Variants in C6orf52 observed in about 807,000 individuals in gnomAD.
The protein encoded by C6orf52 is chromosome 6 open reading frame 52, also known as putative uncharacterized protein C6orf52.
In C6orf52, 16 loss-of-function variants were observed where a neutral mutation model predicts 16.6. The observed-to-expected ratio is 0.96, with a 90% CI of 0.65 to 1.46. The LOEUF (loss-of-function observed/expected upper bound fraction) is 1.46, where lower values mean the gene tolerates loss of function less well. Ranked by LOEUF, C6orf52 falls within the 40% of genes most tolerant of loss-of-function variation. The pLI, the probability that C6orf52 is intolerant of heterozygous loss-of-function variation, is 0.00. For synonymous variants in C6orf52, 53 were observed against 61.4 expected (o/e 0.86, Z 0.64); for missense variants, 166 against 182.3 (o/e 0.91, Z 0.52).
chr6:10,688,199 G>GTTT (rs776752770), intron 1 of C6orf52, among the ~76,000 whole-genome samples: 20 of 145,470 alleles, frequency 1.4e-4, no homozygotes, highest in African/African-American at 5.6e-4. Flanking sequence ...CTCTGGTTCA[G>GTTT]TTTTTTTTTT....
chr6:10,685,531 A>C (rs1287196955), intron 3 of C6orf52, among the ~76,000 whole-genome samples: 3 of 152,228 alleles, frequency 2.0e-5, no homozygotes, highest in Non-Finnish European at 4.4e-5. Flanking sequence ...TTTTCATTTT[A>C]AGGTAAAGAT....
chr6:10,675,646 G>A (rs909672057), intron 4 of C6orf52, among the ~76,000 whole-genome samples: 1 of 152,132 alleles, frequency 6.6e-6, no homozygotes, highest in Non-Finnish European at 1.5e-5. Context: ...CCCACCAACA[G>A]TATGCAAGGG....
At chr6:10,674,234 T>G (rs893051915) in intron 4 of C6orf52, among the ~76,000 whole-genome samples, 1 of 152,172 alleles carries the variant, frequency 6.6e-6, no homozygotes, top group Non-Finnish European at 1.5e-5. Flanking sequence ...CTAATCCTAA[T>G]CATCTCCCTA....
chr6:10,674,206 C>G (rs1422315626), intron 4 of C6orf52, among the ~76,000 whole-genome samples: 1 of 152,066 alleles, frequency 6.6e-6, no homozygotes, highest in Non-Finnish European at 1.5e-5. Context: ...CATGAGGGCT[C>G]TACCCTCATG....
At chr6:10,691,243 G>C (rs9467242) in intron 1 of C6orf52, among the ~76,000 whole-genome samples, 32,802 of 152,176 alleles carry the variant, frequency 0.22, 10,160 homozygotes, top group African/African-American at 0.69. Flanking sequence ...CCCTCAGCCA[G>C]CGAGTTTAAG....
chr6:10,682,991 C>T (rs1768537778), intron 4 of C6orf52, among the ~76,000 whole-genome samples, 196 bp downstream of exon 4: 1 of 152,150 alleles, frequency 6.6e-6, no homozygotes, highest in Admixed American at 6.5e-5. Context: ...TCAGAAAGGC[C>T]CAAAGAGGTG....
intron 1 of C6orf52, among the ~76,000 whole-genome samples, chr6:10,692,221 A>G (rs2127473979): frequency 6.6e-6 from 1 of 152,286 alleles, no homozygotes; most frequent in East Asian, 1.9e-4. Context: ...TATGTTGTGG[A>G]GTAAAATGCA....
intron 1 of C6orf52, among the ~76,000 whole-genome samples, chr6:10,691,353 A>C (rs1581567077): frequency 6.6e-6 from 1 of 151,826 alleles, no homozygotes; most frequent in African/African-American, 2.4e-5. Context: ...AGGGCTTACA[A>C]CTCTAAGGAG....
intron 4 of C6orf52, among the ~76,000 whole-genome samples, chr6:10,673,146 G>A (rs1292972607): frequency 1.3e-5 from 2 of 152,076 alleles, no homozygotes; most frequent in African/African-American, 2.4e-5. Context: ...TTCTGTCCCC[G>A]GTTCCCTTCC....
chr6:10,684,885 A>G (rs1268746806), intron 3 of C6orf52: 2 of 1,288,886 alleles, frequency 1.6e-6, no homozygotes, highest in Non-Finnish European at 2.0e-6. Flanking sequence ...CCAACAGGGG[A>G]CACCCAGCAG....
chr6:10,693,734 CTTTT>C, intron 1 of C6orf52, among the ~76,000 whole-genome samples: 1 of 151,744 alleles, frequency 6.6e-6, no homozygotes, highest in African/African-American at 2.4e-5. Context: ...TTAAATAAAA[CTTTT>C]TTTTTCTTTG....
intron 1 of C6orf52, among the ~76,000 whole-genome samples, chr6:10,688,339 G>A (rs149206582): frequency 0.015 from 2,224 of 152,172 alleles, 49 homozygotes; most frequent in African/African-American, 0.051. Context: ...GCCAGCTCCC[G>A]CCACTTGAAG....
At chr6:10,678,183 TAAAAA>T (rs377733205) in intron 4 of C6orf52, among the ~76,000 whole-genome samples, 2 of 101,602 alleles carry the variant, frequency 2.0e-5, no homozygotes, top group Admixed American at 2.1e-4. Context: ...GAGACTGTCT[TAAAAA>T]AAAAAAAAAA....
intron 1 of C6orf52, among the ~76,000 whole-genome samples, chr6:10,692,443 G>A (rs1238822537): frequency 1.3e-5 from 2 of 152,096 alleles, no homozygotes; most frequent in African/African-American, 4.8e-5. Context: ...ACAAAGTAAA[G>A]AAAGAATGAC....
At chr6:10,683,311 T>G (rs1768568835) in intron 3 of C6orf52, 79 bp from the exon 4 acceptor site, 1 of 848,450 alleles carries the variant, frequency 1.2e-6, no homozygotes, top group Non-Finnish European at 1.8e-6. Context: ...TGGGAAAAAC[T>G]CTAGCTCTCA....
intron 4 of C6orf52, among the ~76,000 whole-genome samples, chr6:10,681,549 T>C (rs918332623): frequency 1.3e-5 from 2 of 152,234 alleles, no homozygotes; most frequent in Admixed American, 6.5e-5. Context: ...CTGTGCCAGA[T>C]TGATGACCAG....
chr6:10,693,038 A>G (rs1769485032), intron 1 of C6orf52, among the ~76,000 whole-genome samples: 1 of 151,788 alleles, frequency 6.6e-6, no homozygotes, highest in Non-Finnish European at 1.5e-5. Flanking sequence ...TTTAAAGACT[A>G]ACTTACTTCA....
intron 4 of C6orf52, among the ~76,000 whole-genome samples, chr6:10,681,113 CTT>C (rs1353158209): frequency 6.6e-6 from 1 of 152,112 alleles, no homozygotes; most frequent in Non-Finnish European, 1.5e-5. Flanking sequence ...TGATGGGAAA[CTT>C]TTTATTACTG....
chr6:10,677,657 G>A (rs564457148), intron 4 of C6orf52, among the ~76,000 whole-genome samples: 19 of 150,918 alleles, frequency 1.3e-4, no homozygotes, highest in Admixed American at 2.0e-4. Flanking sequence ...TCAGCCTCCC[G>A]AGTAGCTGGG....
Sources: gnomAD v4.1 joint callset for allele counts (sites outside exome capture counted in the v4.1 genomes callset) on GRCh38, gnomAD v4.1.1 for gene constraint, MANE v1.5 for transcripts, NCBI Gene and HGNC (gene_info 2026-07-23, HGNC 2026-07-21) for gene names.